The following DYNC2H1 variants were observed in gnomAD, a reference collection of about 807,000 sequenced individuals.
The protein encoded by DYNC2H1 is cytoplasmic dynein 2 heavy chain 1.
Under a neutral mutation model 570.0 loss-of-function variants are expected in DYNC2H1, and 410 were observed. The observed-to-expected ratio is 0.72, with a 90% CI of 0.66 to 0.78. The LOEUF (loss-of-function observed/expected upper bound fraction) is 0.78, where lower values mean the gene tolerates loss of function less well. Ranked by LOEUF, DYNC2H1 falls within the 30% of genes least tolerant of loss-of-function variation. DYNC2H1 has a pLI of 0.00. For synonymous variants in DYNC2H1, 1,688 were observed against 1,677.6 expected, an observed-to-expected ratio of 1.01 and a Z score of -0.15; for missense variants, 4,865 against 5,046.4, an observed-to-expected ratio of 0.96 and a Z score of 1.09.
intron 21 of DYNC2H1, among the ~76,000 whole-genome samples, chr11:103,152,633 G>A (rs1860620602): frequency 6.6e-6 from 1 of 152,036 alleles, no homozygotes; most frequent in South Asian, 2.1e-4. Flanking sequence ...CTCTAATGGA[G>A]ACCCCAAAAA....
Position 103,231,350 on chromosome 11 carries a change from A to C in DYNC2H1, c.9440+4A>C. On this transcript the variant is annotated splice_donor_region_variant and intron_variant, in intron 60 of 88. Transcript: ENST00000375735. ...AGGTATCAGAACTCAAAGAAAAGTA[A>C]GTTATATTTTGAAGTGTATTTTGGA... 6.3e-7 allele frequency: 1 copy of C among 1,582,318 alleles called. No individual in the cohort carries two copies. The highest frequency in any genetic ancestry group is 8.6e-7 in the Non-Finnish European group (1 of 1,159,454).
chr11:103,434,424 CTTT>C (rs3989922), intron 84 of DYNC2H1, among the ~76,000 whole-genome samples: 2,013 of 144,596 alleles, frequency 0.014, 50 homozygotes, highest in African/African-American at 0.047. Context: ...TTTTTCCTTC[CTTT>C]TTTTTTTTTT....
In DYNC2H1 at chr11:103,135,697, T is replaced by A. The variant is rs773711884; in HGVS notation, c.2346-23T>A. ...TATAATTTTCTAACAATTTATGTTT[T>A]AAAGTTATTTATTTACTTTTAGACA... On this transcript the variant is annotated intron_variant, in intron 16 of 88. Coordinates refer to ENST00000375735, the MANE Select transcript of DYNC2H1 (RefSeq NM_001377.3). The A allele has an allele frequency of 1.8e-5, 29 of 1,604,784 alleles. No homozygotes were observed. In the Middle Eastern group the frequency reaches 1.3e-3, roughly 74 times the overall value.
chr11:103,156,880 G>A (rs1227936508), intron 26 of DYNC2H1, 110 bp downstream of exon 26: 5 of 1,344,852 alleles, frequency 3.7e-6, no homozygotes, highest in Non-Finnish European at 5.0e-6. Context: ...GGTATCCTCT[G>A]TGTATTCAAA....
At chr11:103,273,389 A>G (rs953043339) in intron 70 of DYNC2H1, among the ~76,000 whole-genome samples, 51 of 151,220 alleles carry the variant, frequency 3.4e-4, no homozygotes, top group African/African-American at 1.2e-3. Flanking sequence ...GAATTTCACC[A>G]TTTTTCCCAG....
In DYNC2H1 at chr11:103,453,615, C is replaced by CATATATATATAT. The variant is rs66628059; in HGVS notation, c.12457-1555_12457-1544dup. 4.7e-3 allele frequency among the ~76,000 whole-genome samples: 641 copies of CATATATATATAT among 136,490 alleles called. 10 individuals carry two copies. The highest frequency in any genetic ancestry group is 0.02 in the East Asian group (96 of 4,776). 89.5% of individuals were successfully genotyped at this position (136,490 alleles called of 152,430 possible). On this transcript the variant is annotated intron_variant, in intron 85 of 88. Coordinates refer to ENST00000375735, the MANE Select transcript of DYNC2H1 (RefSeq NM_001377.3). ...TGATTATCAGCCATGTTAGTTTAGA[C>CATATATATATAT]ATATATATATATATATATATATATA... is the stretch of plus-strand genomic sequence containing the variant.
chr11:103,320,314 A>G (rs1014127551), intron 80 of DYNC2H1, among the ~76,000 whole-genome samples: 21 of 152,322 alleles, frequency 1.4e-4, no homozygotes, highest in African/African-American at 5.0e-4. Context: ...AGGCAGGAGA[A>G]TCGCTTGAAC....
In DYNC2H1 at chr11:103,319,154, G is replaced by A. The variant is rs527557821; in HGVS notation, c.11726-1875G>A. 3.7e-4 allele frequency among the ~76,000 whole-genome samples: 56 copies of A among 152,078 alleles called. No individual in the cohort carries two copies. Among genetic ancestry groups the A allele is most frequent in the Non-Finnish European group, 7.5e-4 (51 of 67,966 alleles). ...TGAATGATGTATCATTGTGTTTCACGTTTGTGATAGAATTAATTAATAGCA... is the reference window on the plus strand; with the variant it reads ...TGAATGATGTATCATTGTGTTTCACATTTGTGATAGAATTAATTAATAGCA... On this transcript the variant is annotated intron_variant, in intron 80 of 88. Coordinates refer to ENST00000375735, the MANE Select transcript of DYNC2H1 (RefSeq NM_001377.3). The surrounding 1 kb of genome is among the most constrained non-coding windows in gnomAD (Gnocchi z 4.3).
intron 87 of DYNC2H1, among the ~76,000 whole-genome samples, chr11:103,463,233 C>T (rs972479584): frequency 6.6e-5 from 10 of 152,056 alleles, no homozygotes; most frequent in Non-Finnish European, 1.5e-4. Context: ...ATAAGTATTA[C>T]ATTGTGTCAG....
chr11:103,187,477 G>A lies in DYNC2H1; in HGVS notation c.7031G>A (p.Arg2344His), dbSNP rs775250788. 26 of 1,613,208 alleles carry A rather than the reference G, an allele frequency of 1.6e-5. No homozygotes were observed. The highest frequency in any genetic ancestry group is 1.5e-4 in the Admixed American group (9 of 59,924). Residue 2344 changes from arginine (R) to histidine (H), a missense_variant, in exon 43 of 89, where the codon CGT becomes CAT. Coordinates refer to ENST00000375735, the MANE Select transcript of DYNC2H1 (RefSeq NM_001377.3). ...ATGGTAATCAGTACTAATACTGGTC[G>A]TGTATACAGACCAAAAGACTGTGAA... ...TCMVISTNTGRVYRPKDCERL... is the reference protein window; with the variant it reads ...TCMVISTNTGHVYRPKDCERL...
chr11:103,121,877 G>C (rs1361374016), intron 10 of DYNC2H1, among the ~76,000 whole-genome samples: 1 of 152,104 alleles, frequency 6.6e-6, no homozygotes, highest in African/African-American at 2.4e-5. Flanking sequence ...CCTGAACCTG[G>C]GATATTGAGG....
chr11:103,148,490 C>T lies in DYNC2H1; in HGVS notation c.2819C>T (p.Ala940Val), dbSNP rs1201976868. 5.1e-6 allele frequency: 8 copies of T among 1,557,326 alleles called. No individual in the cohort carries two copies. Among genetic ancestry groups the T allele is most frequent in the Middle Eastern group, 1.7e-4 (1 of 5,968 alleles). Reference sequence around the variant, plus strand: ...CTTGTATTTCAATGTTACCACTCAGCTCATTTACATGAAATTGATACATTT... The same window carrying T: ...CTTGTATTTCAATGTTACCACTCAGTTCATTTACATGAAATTGATACATTT... ...LVLSLKKSIQ[A>V]HLHEIDTFVT... The change falls in exon 20 of 89, where the codon GCT becomes GTT. Residue 940 changes from alanine (A) to valine (V), a missense_variant and splice_region_variant. Ala to Val is a moderately conservative substitution (Grantham distance 64). Coordinates refer to ENST00000375735, the MANE Select transcript of DYNC2H1 (RefSeq NM_001377.3).
At position 103,205,349 on chromosome 11, in the gene DYNC2H1, G is replaced by A. The variant is rs560003449; in HGVS notation, c.8454+385G>A. Among the ~76,000 whole-genome samples the A allele has an allele frequency of 2.0e-5, 3 of 152,222 alleles. No homozygotes were observed. Among genetic ancestry groups the A allele is most frequent in the East Asian group, 3.9e-4 (2 of 5,180 alleles). On this transcript the variant is annotated intron_variant, in intron 52 of 88. Transcript: ENST00000375735. This position sits in a 1 kb window ranked among gnomAD's most constrained non-coding sequence, Gnocchi z 4.5. Reference sequence around the variant, plus strand: ...TTTGGAGGGGGATGAGTTAAATTGTGAACTCATAACACTATCTTAACTGGA... The same window carrying A: ...TTTGGAGGGGGATGAGTTAAATTGTAAACTCATAACACTATCTTAACTGGA...
chr11:103,311,462 G>GT (rs1867584112), intron 78 of DYNC2H1, among the ~76,000 whole-genome samples: 1 of 152,078 alleles, frequency 6.6e-6, no homozygotes, highest in Non-Finnish European at 1.5e-5. Flanking sequence ...TAAATGGTAT[G>GT]TTGAATTCCT....
At chr11:103,313,850 T>C (rs1370880752) in intron 79 of DYNC2H1, among the ~76,000 whole-genome samples, 1 of 152,140 alleles carries the variant, frequency 6.6e-6, no homozygotes, top group Non-Finnish European at 1.5e-5. Flanking sequence ...TATACCACAC[T>C]TATGGGGAGG....
intron 59 of DYNC2H1, among the ~76,000 whole-genome samples, chr11:103,224,274 G>T (rs1022384444): frequency 6.6e-6 from 1 of 151,984 alleles, no homozygotes; most frequent in Non-Finnish European, 1.5e-5. Context: ...ATTTCAATAG[G>T]TTTTTGGGGA....
chr11:103,384,872 G>C (rs1043117400), intron 83 of DYNC2H1, among the ~76,000 whole-genome samples: 1 of 152,118 alleles, frequency 6.6e-6, no homozygotes, highest in Non-Finnish European at 1.5e-5. Context: ...TGCTTATAGT[G>C]TAGAAAGTAT....
chr11:103,195,153 G>T (rs1862469969), intron 47 of DYNC2H1, among the ~76,000 whole-genome samples: 1 of 152,186 alleles, frequency 6.6e-6, no homozygotes, highest in Non-Finnish European at 1.5e-5. Flanking sequence ...GTCTTTCACA[G>T]ATAAAAAGTT....
At chr11:103,225,904 G>A (rs528079099) in intron 59 of DYNC2H1, among the ~76,000 whole-genome samples, 1 of 150,712 alleles carries the variant, frequency 6.6e-6, no homozygotes, top group African/African-American at 2.4e-5. Flanking sequence ...GTTTCCATTT[G>A]TTTGTATCAT....
Sources: allele counts gnomAD v4.1 joint callset (sites outside exome capture counted in the v4.1 genomes callset), GRCh38; gene constraint gnomAD v4.1.1; non-coding constraint Gnocchi (gnomAD v3.1); transcripts MANE v1.5; gene names NCBI Gene and HGNC (gene_info 2026-07-23, HGNC 2026-07-21).